RMST: variants seen among roughly 807,000 people sequenced by gnomAD.
RMST encodes the protein rhabdomyosarcoma 2 associated transcript, also known as long intergenic non-protein coding RNA 54.
At chr12:97,537,809 T>C (rs1478872036) in intron 11 of RMST, among the ~76,000 whole-genome samples, 2 of 151,516 alleles carry the variant, frequency 1.3e-5, no homozygotes, top group Non-Finnish European at 3.0e-5. Context: ...CTAAATTTAA[T>C]TCATAAGAAC....
intron 10 of RMST, among the ~76,000 whole-genome samples, chr12:97,504,276 C>T (rs1410712324): frequency 1.3e-5 from 2 of 152,052 alleles, no homozygotes; most frequent in East Asian, 2.0e-4. Context: ...TGGTAGCACA[C>T]GCCTGTAGTC....
rs552609534 is a variant in RMST at position 97,557,759 on chromosome 12, G to A, written n.1546-2778G>A. Among the ~76,000 whole-genome samples, 191 of 152,248 alleles carry A rather than the reference G, an allele frequency of 1.3e-3. 1 individual carries two copies. The highest frequency in any genetic ancestry group is 4.4e-3 in the African/African-American group (183 of 41,564). On this transcript the variant is annotated intron_variant and non_coding_transcript_variant, in intron 11 of 13. Coordinates refer to ENST00000640149, the Ensembl canonical transcript of RMST. ...TGTGCTTAGAGTTTGGAAGATGGCT[G>A]TGGAATGAATCAGGTAGAGAGGCAC...
chr12:97,487,510 G>T (rs1286958912), intron 5 of RMST, among the ~76,000 whole-genome samples: 1 of 152,144 alleles, frequency 6.6e-6, no homozygotes, highest in Admixed American at 6.5e-5. Context: ...AATTTGTTCA[G>T]AAAATCTGAA....
intron 10 of RMST, among the ~76,000 whole-genome samples, chr12:97,517,472 G>A (rs1880052220): frequency 6.6e-6 from 1 of 151,826 alleles, no homozygotes; most frequent in African/African-American, 2.4e-5. Flanking sequence ...AGATCTGCCA[G>A]TTAAGGTTTT....
At chr12:97,474,210 G>A (rs1261914817) in intron 5 of RMST, among the ~76,000 whole-genome samples, 1 of 152,042 alleles carries the variant, frequency 6.6e-6, no homozygotes, top group African/African-American at 2.4e-5. Context: ...TCAGAAAGAA[G>A]GCTGCTTAAT....
chr12:97,478,625 T>C (rs1874840441), intron 5 of RMST, among the ~76,000 whole-genome samples: 1 of 152,154 alleles, frequency 6.6e-6, no homozygotes, highest in African/African-American at 2.4e-5. Context: ...ATAAATCAGG[T>C]ATCAGTTTGG....
chr12:97,518,991 T>C (rs545502492), intron 10 of RMST, among the ~76,000 whole-genome samples: 1 of 152,252 alleles, frequency 6.6e-6, no homozygotes, highest in South Asian at 2.1e-4. Context: ...TTGCCCAGGC[T>C]GGTCTTGAGC....
intron 5 of RMST, among the ~76,000 whole-genome samples, chr12:97,470,970 C>G (rs527327154): frequency 6.6e-6 from 1 of 152,082 alleles, no homozygotes; most frequent in Non-Finnish European, 1.5e-5. Context: ...TATCAATAAA[C>G]AGTACTTGTG....
At chr12:97,485,863 G>A (rs764368539) in intron 5 of RMST, among the ~76,000 whole-genome samples, 36 of 152,154 alleles carry the variant, frequency 2.4e-4, no homozygotes, top group Admixed American at 7.2e-4. Flanking sequence ...CCACATGTAG[G>A]CCCACCTGGC....
intron 10 of RMST, among the ~76,000 whole-genome samples, chr12:97,502,285 G>A: frequency 6.6e-6 from 1 of 152,066 alleles, no homozygotes; most frequent in East Asian, 1.9e-4. Context: ...TAAATTTAAT[G>A]TAATAATTCA....
chr12:97,504,904 C>T (rs1878502276), intron 10 of RMST, among the ~76,000 whole-genome samples: 1 of 149,442 alleles, frequency 6.7e-6, no homozygotes, highest in Non-Finnish European at 1.5e-5. Flanking sequence ...CTTGGACTTT[C>T]TCTCTCTGAT....
chr12:97,470,794 C>T (rs1873819866), intron 5 of RMST, among the ~76,000 whole-genome samples: 1 of 151,800 alleles, frequency 6.6e-6, no homozygotes, highest in Non-Finnish European at 1.5e-5. Flanking sequence ...TTTCTGTTTC[C>T]TGGGATATAT....
intron 11 of RMST, among the ~76,000 whole-genome samples, chr12:97,537,522 T>C (rs948620359): frequency 6.6e-6 from 1 of 151,408 alleles, no homozygotes; most frequent in Non-Finnish European, 1.5e-5. Context: ...ATCTCGCTTT[T>C]TTGCAAAATT....
intron 11 of RMST, among the ~76,000 whole-genome samples, chr12:97,535,728 T>G (rs1018185623): frequency 6.6e-6 from 1 of 151,584 alleles, no homozygotes; most frequent in Non-Finnish European, 1.5e-5. Context: ...TTAAACCATT[T>G]CCACAGAAAA....
At chr12:97,513,238 C>A (rs1336165516) in intron 10 of RMST, among the ~76,000 whole-genome samples, 2 of 152,242 alleles carry the variant, frequency 1.3e-5, no homozygotes, top group African/African-American at 2.4e-5. Flanking sequence ...AGTGGGAGCC[C>A]AGGCAGAGGA....
At chr12:97,556,749 G>A (rs1883733452) in intron 11 of RMST, among the ~76,000 whole-genome samples, 3 of 152,052 alleles carry the variant, frequency 2.0e-5, no homozygotes, top group Admixed American at 2.0e-4. Context: ...GCCACCAGGA[G>A]GAAAAAGTCT....
chr12:97,551,087 C>A (rs890547092), intron 11 of RMST, among the ~76,000 whole-genome samples: 3 of 151,674 alleles, frequency 2.0e-5, no homozygotes, highest in African/African-American at 7.3e-5. Context: ...TTCTACAACA[C>A]CACAATATGC....
intron 5 of RMST, among the ~76,000 whole-genome samples, chr12:97,467,064 G>A (rs979275117): frequency 2.6e-5 from 4 of 151,968 alleles, no homozygotes; most frequent in African/African-American, 9.7e-5. Flanking sequence ...AATACTATGA[G>A]TGATTTTACT....
chr12:97,543,791 G>A (rs576131108), intron 11 of RMST, among the ~76,000 whole-genome samples: 27 of 152,020 alleles, frequency 1.8e-4, no homozygotes, highest in African/African-American at 6.3e-4. Context: ...CAAACTCACC[G>A]GTATGATCTT....
Sources: allele counts gnomAD v4.1 joint callset (sites outside exome capture counted in the v4.1 genomes callset), GRCh38; gene constraint gnomAD v4.1.1; transcripts MANE v1.5; gene names NCBI Gene and HGNC (gene_info 2026-07-23, HGNC 2026-07-21).